Variants in SEC16A observed in about 807,000 individuals in gnomAD.
SEC16A encodes the protein protein transport protein Sec16A.
SEC16A carries 110 observed loss-of-function variants against 221.9 expected under a neutral mutation model. That is an observed-to-expected ratio of 0.50 (90% confidence interval 0.42 to 0.58). The LOEUF is 0.58. Among genes scored for constraint, SEC16A ranks in the 20% least tolerant of loss-of-function variants. The pLI, the probability that SEC16A is intolerant of heterozygous loss-of-function variation, is 0.00. For synonymous variants in SEC16A, 1,393 were observed against 1,257.7 expected, an observed-to-expected ratio of 1.11 and a Z score of -2.28; for missense variants, 3,165 against 3,097.8, an observed-to-expected ratio of 1.02 and a Z score of -0.52.
rs1836208263 is a variant in SEC16A at position 136,441,739 on chromosome 9, T to C, written c.*16A>G. ...CAGCGTCAGGGCTCCAAGTGCAAGT[T>C]CACAGCAGGGCAAGCCTAGTTCAGC... On this transcript the variant is annotated 3_prime_UTR_variant, in exon 32 of 32. Coordinates refer to ENST00000684901, the MANE Select transcript of SEC16A (RefSeq NM_014866.2). 6.2e-7 allele frequency: 1 copy of C among 1,612,626 alleles called. No homozygotes were observed. Among genetic ancestry groups the C allele is most frequent in the African/African-American group, 1.3e-5 (1 of 74,896 alleles).
chr9:136,447,206 G>T lies in SEC16A; in HGVS notation c.6697+21C>A. ...GGAGACTGGGGGCTGACCTGGAGGGGCTGGTGCTCGTGCTACCTACCTGGG... is the reference window on the plus strand; with the variant it reads ...GGAGACTGGGGGCTGACCTGGAGGGTCTGGTGCTCGTGCTACCTACCTGGG... On this transcript the variant is annotated intron_variant, in intron 27 of 31. Transcript: ENST00000684901. This position sits in a 1 kb window ranked among gnomAD's most constrained non-coding sequence, Gnocchi z 5.5. 2 of 1,583,394 alleles carry T rather than the reference G, an allele frequency of 1.3e-6. No homozygotes were observed. Among genetic ancestry groups the T allele is most frequent in the African/African-American group, 1.3e-5 (1 of 74,484 alleles).
At chr9:136,483,649 C>T (rs774433003), upstream of SEC16A, 529 of 985,548 alleles carry the variant, frequency 5.4e-4, no homozygotes, top group Non-Finnish European at 6.1e-4. Context: ...TCAATCAAGG[C>T]CACAAGCGGG....
chr9:136,453,107 T>G (rs1475203447), intron 22 of SEC16A, among the ~76,000 whole-genome samples: 1 of 151,214 alleles, frequency 6.6e-6, no homozygotes, highest in East Asian at 1.9e-4. Flanking sequence ...AAAAGAGATG[T>G]AGAAATCAGA....
Position 136,476,532 on chromosome 9 carries a change from G to A in SEC16A, c.1084C>T (p.Leu362=), listed in dbSNP as rs771460736. ...GAGAGSGCAP[L]EADSGASGAL... ...CCTGAAGCTCCTGAGTCTGCTTCTA[G>A]CGGGGCACAGCCAGACCCGGCCCCA... The change falls in exon 3 of 32, where the codon CTA becomes TTA. Residue 362 remains leucine (L), a synonymous_variant. Coordinates refer to ENST00000684901, the MANE Select transcript of SEC16A (RefSeq NM_014866.2). 2 of 1,612,590 alleles carry A rather than the reference G, an allele frequency of 1.2e-6. No individual in the cohort carries two copies. Among genetic ancestry groups the A allele is most frequent in the Non-Finnish European group, 1.7e-6 (2 of 1,179,228 alleles).
upstream of SEC16A, chr9:136,484,637 C>T: frequency 7.3e-7 from 1 of 1,364,902 alleles, no homozygotes; most frequent in Non-Finnish European, 9.8e-7. Context: ...CCCAGCTGGG[C>T]CGGCGGCTGG....
Position 136,463,459 on chromosome 9 carries a change from A to G in SEC16A, c.4647+4T>C. 1 of 1,612,200 alleles carries G rather than the reference A, an allele frequency of 6.2e-7. No individual in the cohort carries two copies. Among genetic ancestry groups the G allele is most frequent in the South Asian group, 1.1e-5 (1 of 90,910 alleles). On this transcript the variant is annotated splice_donor_region_variant and intron_variant, in intron 11 of 31. Coordinates refer to ENST00000684901, the MANE Select transcript of SEC16A (RefSeq NM_014866.2). Reference sequence around the variant, plus strand: ...AAACACTCTAGAAGTAGAAAGAAACATACCCCATTTTGTCTGCATAAGAGA... The same window carrying G: ...AAACACTCTAGAAGTAGAAAGAAACGTACCCCATTTTGTCTGCATAAGAGA...
chr9:136,458,486 G>A lies in SEC16A; in HGVS notation c.5409+648C>T, dbSNP rs187736243. ...TACTAAAAATACAAAAAATTAGCCG[G>A]GCGTGGTCGTGGGTGCCTGTAGTCC... On this transcript the variant is annotated intron_variant, in intron 17 of 31. Coordinates refer to ENST00000684901, the MANE Select transcript of SEC16A (RefSeq NM_014866.2). Among the ~76,000 whole-genome samples, 3 of 152,108 alleles carry A rather than the reference G, an allele frequency of 2.0e-5. No individual in the cohort carries two copies. In the East Asian group the frequency reaches 5.8e-4, roughly 29 times the overall value.
chr9:136,483,485 C>A (rs1436666941), upstream of SEC16A: 17 of 977,730 alleles, frequency 1.7e-5, no homozygotes, highest in African/African-American at 3.0e-4. Context: ...CCCCGCCCCC[C>A]TCCGGCGTCC....
chr9:136,461,117 C>T (rs1008174092), intron 13 of SEC16A, 60 bp downstream of exon 13: 1 of 1,358,588 alleles, frequency 7.4e-7, no homozygotes, highest in Non-Finnish European at 1.0e-6. Context: ...GGTGCGGACG[C>T]CGCGTGCTAC....
Position 136,440,715 on chromosome 9 carries a change from A to G in SEC16A, c.*1040T>C, listed in dbSNP as rs1305886575. 9 of 152,656 alleles carry G rather than the reference A, an allele frequency of 5.9e-5. No individual in the cohort carries two copies. The East Asian group carries it at 1.5e-3, about 25-fold the overall frequency. 9.5% of individuals were successfully genotyped at this position (152,656 alleles called of 1,614,324 possible). On this transcript the variant is annotated 3_prime_UTR_variant, in exon 32 of 32. Coordinates refer to ENST00000684901, the MANE Select transcript of SEC16A (RefSeq NM_014866.2). ...GTGTGGCAAAACTCGGGGCAGAAAT[A>G]CTAAGTTCCAGAGCTGCTGTCAAGA... is the stretch of plus-strand genomic sequence containing the variant.
Position 136,464,508 on chromosome 9 carries a change from C to A in SEC16A, c.4358G>T (p.Arg1453Met), listed in dbSNP as rs1219449388. The A allele has an allele frequency of 6.2e-7, 1 of 1,612,310 alleles. No homozygotes were observed. The highest frequency in any genetic ancestry group is 1.7e-5 in the Admixed American group (1 of 60,004). The change falls in exon 9 of 32, where the codon AGG (arginine) becomes ATG (methionine). Residue 1453 changes from arginine (R) to methionine (M), a missense_variant. Arg to Met is a moderately conservative substitution (Grantham distance 91). Around this residue, in one of 3 missense-constraint regions of SEC16A, gnomAD observed 2,030 missense variants for 1,923.1 expected, o/e 1.06. Transcript: ENST00000684901. ...GATAAGCTGACCGCCAGGGCCAAACCTGGCACAGACATGAGGCACTGAAAA... is the reference window on the plus strand; with the variant it reads ...GATAAGCTGACCGCCAGGGCCAAACATGGCACAGACATGAGGCACTGAAAA... The part of the protein sequence containing the change: ...EKFSVPHVCA[R>M]FGPGGQLIKV...
rs370143383 is a variant in SEC16A at position 136,447,215 on chromosome 9, C to T, written c.6697+12G>A. The T allele has an allele frequency of 2.4e-5, 38 of 1,586,024 alleles. No individual in the cohort carries two copies. The highest frequency in any genetic ancestry group is 2.9e-5 in the Non-Finnish European group (34 of 1,167,414). Reference sequence around the variant, plus strand: ...GGGCTGACCTGGAGGGGCTGGTGCTCGTGCTACCTACCTGGGGTTGGCACG... The same window carrying T: ...GGGCTGACCTGGAGGGGCTGGTGCTTGTGCTACCTACCTGGGGTTGGCACG... On this transcript the variant is annotated intron_variant, in intron 27 of 31. Coordinates refer to ENST00000684901, the MANE Select transcript of SEC16A (RefSeq NM_014866.2). The surrounding 1 kb of genome is among the most constrained non-coding windows in gnomAD (Gnocchi z 5.5).
At chr9:136,451,520 G>A (rs1159650242) in intron 22 of SEC16A, 112 bp from the exon 23 acceptor site, 14 of 1,245,114 alleles carry the variant, frequency 1.1e-5, no homozygotes, top group African/African-American at 4.6e-5. Context: ...CTGAGAGGCC[G>A]GATGACTCTG....
At chr9:136,479,853 A>C (rs1842101475) in intron 1 of SEC16A, among the ~76,000 whole-genome samples, 2 of 151,842 alleles carry the variant, frequency 1.3e-5, no homozygotes, top group Non-Finnish European at 2.9e-5. Flanking sequence ...CCAAAAAAAA[A>C]ATGCCGGTCG....
chr9:136,480,824 A>T (rs776772195), intron 1 of SEC16A, among the ~76,000 whole-genome samples: 40 of 151,930 alleles, frequency 2.6e-4, no homozygotes, highest in Non-Finnish European at 3.1e-4. Flanking sequence ...TGGGAGGCGG[A>T]GCTTGCAGTG....
intron 20 of SEC16A, among the ~76,000 whole-genome samples, chr9:136,454,933 T>G (rs1161904751): frequency 3.3e-5 from 5 of 151,990 alleles, no homozygotes; most frequent in Non-Finnish European, 7.4e-5. Flanking sequence ...GTGTGGCTGG[T>G]CCACAGCGTG....
chr9:136,463,827 G>A (rs934820483), intron 9 of SEC16A, 87 bp from the exon 10 acceptor site: 31 of 1,443,830 alleles, frequency 2.1e-5, no homozygotes, highest in African/African-American at 4.2e-5. Flanking sequence ...GATGCTGCCC[G>A]TGAGAGGAGA....
chr9:136,465,702 A>G (rs905247421), intron 8 of SEC16A, among the ~76,000 whole-genome samples: 2 of 152,198 alleles, frequency 1.3e-5, no homozygotes, highest in African/African-American at 4.8e-5. Flanking sequence ...GAGCCTGGAT[A>G]TGAGCTGTCC....
chr9:136,468,558 T>A, intron 4 of SEC16A, 46 bp from the exon 5 acceptor site: 1 of 1,242,324 alleles, frequency 8.0e-7, no homozygotes, highest in Non-Finnish European at 1.2e-6. Flanking sequence ...ACCTATTTCT[T>A]AAAGTGTGAC....
Sources: gnomAD v4.1 joint callset for allele counts (sites outside exome capture counted in the v4.1 genomes callset) on GRCh38, gnomAD v4.1.1 for gene constraint, gnomAD v4.1.1 regional missense constraint, Gnocchi (gnomAD v3.1) non-coding constraint, MANE v1.5 for transcripts, NCBI Gene and HGNC (gene_info 2026-07-23, HGNC 2026-07-21) for gene names.